Variants in SSBP2 observed in about 807,000 individuals in gnomAD.
SSBP2 encodes the protein single-stranded DNA-binding protein 2.
Under a neutral mutation model 61.8 loss-of-function variants are expected in SSBP2, and 17 were observed. That is an observed-to-expected ratio of 0.28 (90% CI 0.19 to 0.41). SSBP2 has a LOEUF of 0.41. Among genes scored for constraint, SSBP2 ranks in the 10% least tolerant of loss-of-function variants. The probability of loss-of-function intolerance (pLI) is 1.00; values close to 1 mark genes in which losing one functional copy is unlikely to be tolerated. For missense variants in SSBP2, 310 were observed against 458.7 expected (o/e 0.68, Z 2.96); for synonymous variants, 139 against 141.3 (o/e 0.98, Z 0.12).
intron 4 of SSBP2, among the ~76,000 whole-genome samples, chr5:81,574,808 G>T (rs552817632): frequency 6.6e-6 from 1 of 151,988 alleles, no homozygotes; most frequent in Non-Finnish European, 1.5e-5. Flanking sequence ...AAAAAAAAAT[G>T]TCAACCTAGA....
At chr5:81,703,478 G>A (rs1397732063) in intron 1 of SSBP2, among the ~76,000 whole-genome samples, 1 of 151,976 alleles carries the variant, frequency 6.6e-6, no homozygotes, top group Non-Finnish European at 1.5e-5. Context: ...GGGAATGGGT[G>A]CAGCACACCA....
chr5:81,513,803 G>C, intron 4 of SSBP2, 86 bp from the exon 5 acceptor site: 1 of 815,388 alleles, frequency 1.2e-6, no homozygotes, highest in Non-Finnish European at 2.0e-6. Flanking sequence ...TGCAGGACGG[G>C]ATGCTCTTTC....
intron 1 of SSBP2, among the ~76,000 whole-genome samples, chr5:81,674,727 G>A (rs1309763555): frequency 6.6e-6 from 1 of 151,524 alleles, no homozygotes; most frequent in African/African-American, 2.4e-5. Flanking sequence ...ATTCCAAAAC[G>A]GTTGAAAGGG....
intron 2 of SSBP2, among the ~76,000 whole-genome samples, chr5:81,646,247 G>C (rs1749256229): frequency 6.6e-6 from 1 of 152,188 alleles, no homozygotes; most frequent in Admixed American, 6.5e-5. Context: ...CATCTATCCA[G>C]AGGAAGAATG....
At chr5:81,485,211 T>C (rs1224927255) in intron 6 of SSBP2, among the ~76,000 whole-genome samples, 1 of 152,172 alleles carries the variant, frequency 6.6e-6, no homozygotes, top group Admixed American at 6.6e-5. Flanking sequence ...GTCAAATATA[T>C]TTTGTAGATT....
chr5:81,563,414 C>T (rs1773196208), intron 4 of SSBP2, among the ~76,000 whole-genome samples: 1 of 152,008 alleles, frequency 6.6e-6, no homozygotes, highest in Non-Finnish European at 1.5e-5. Context: ...CTAGAGAATA[C>T]ATAGGAAAAA....
At chr5:81,536,411 T>G (rs1770809060) in intron 4 of SSBP2, among the ~76,000 whole-genome samples, 1 of 152,082 alleles carries the variant, frequency 6.6e-6, no homozygotes, top group South Asian at 2.1e-4. Flanking sequence ...GGTTATTTCA[T>G]CACCCAGGTA....
At chr5:81,594,411 C>G (rs1425467251) in intron 4 of SSBP2, among the ~76,000 whole-genome samples, 1 of 152,192 alleles carries the variant, frequency 6.6e-6, no homozygotes, top group Non-Finnish European at 1.5e-5. Flanking sequence ...TAACACCCCA[C>G]TGTCAACATT....
At chr5:81,625,414 A>G (rs1430008673) in intron 3 of SSBP2, among the ~76,000 whole-genome samples, 1 of 151,498 alleles carries the variant, frequency 6.6e-6, no homozygotes, top group African/African-American at 2.4e-5. Context: ...TAATCCTACA[A>G]CTATTAAACA....
At chr5:81,557,085 C>T (rs574252083) in intron 4 of SSBP2, among the ~76,000 whole-genome samples, 69 of 152,228 alleles carry the variant, frequency 4.5e-4, no homozygotes, top group African/African-American at 1.6e-3. Flanking sequence ...TAAAAAGAGC[C>T]TTTATGGCCT....
chr5:81,628,994 C>CT (rs1336279227), intron 3 of SSBP2, among the ~76,000 whole-genome samples: 50 of 149,166 alleles, frequency 3.4e-4, no homozygotes, highest in Admixed American at 5.4e-4. Context: ...TTTAATCCAT[C>CT]TTTTTTTTTT....
At chr5:81,465,271 G>A (rs1323488673) in intron 9 of SSBP2, among the ~76,000 whole-genome samples, 1 of 151,804 alleles carries the variant, frequency 6.6e-6, no homozygotes. Context: ...ATACTTAAAA[G>A]TATCTAGGGA....
At chr5:81,633,107 T>TC (rs1747878901) in intron 3 of SSBP2, among the ~76,000 whole-genome samples, 1 of 130,344 alleles carries the variant, frequency 7.7e-6, no homozygotes, top group Admixed American at 8.6e-5. Context: ...TGAGCCTCTG[T>TC]CTTTTTTTTT....
chr5:81,733,479 C>CTCCGTCT (rs1437685167), intron 1 of SSBP2, among the ~76,000 whole-genome samples: 1 of 151,658 alleles, frequency 6.6e-6, no homozygotes, highest in Non-Finnish European at 1.5e-5. Context: ...CAGACGGAAA[C>CTCCGTCT]TCATTGGTCT....
At chr5:81,452,159 G>C (rs1018925887) in intron 10 of SSBP2, among the ~76,000 whole-genome samples, 9 of 152,208 alleles carry the variant, frequency 5.9e-5, no homozygotes, top group Non-Finnish European at 1.3e-4. Context: ...CTGCTATAGT[G>C]TGGGGCTTAT....
chr5:81,451,639 C>T lies in SSBP2; in HGVS notation c.688-2814G>A, dbSNP rs564797930. Among the ~76,000 whole-genome samples, 16 of 152,262 alleles carry T rather than the reference C, an allele frequency of 1.1e-4. No homozygotes were observed. The South Asian group carries it at 1.9e-3, about 18-fold the overall frequency. ...ATGGGGTTTCACCATGTTGGCCAGG[C>T]GGGTCTCGAACCCCTGACCTCAGGT... is the stretch of plus-strand genomic sequence containing the variant. On this transcript the variant is annotated intron_variant, in intron 10 of 16. Transcript: ENST00000320672.
At position 81,684,697 on chromosome 5, in the gene SSBP2, C is replaced by A. The variant is rs974199013; in HGVS notation, c.63-34358G>T. 4.1e-4 allele frequency among the ~76,000 whole-genome samples: 63 copies of A among 152,250 alleles called. 1 individual carries two copies. Among genetic ancestry groups the A allele is most frequent in the African/African-American group, 1.4e-3 (57 of 41,554 alleles). On this transcript the variant is annotated intron_variant, in intron 1 of 16. Transcript: ENST00000320672. ...CAGGAGCATTTACCCGATGCTTGTACCCCGACTGCATCTTGGAGTAACTAA... is the reference window on the plus strand; with the variant it reads ...CAGGAGCATTTACCCGATGCTTGTAACCCGACTGCATCTTGGAGTAACTAA...
chr5:81,584,204 C>T (rs149746086), intron 4 of SSBP2, among the ~76,000 whole-genome samples: 15 of 152,046 alleles, frequency 9.9e-5, no homozygotes, highest in African/African-American at 2.9e-4. Flanking sequence ...TTTAAAGCTT[C>T]GTCTAGATGT....
chr5:81,561,216 A>G (rs1390341323), intron 4 of SSBP2, among the ~76,000 whole-genome samples: 1 of 152,204 alleles, frequency 6.6e-6, no homozygotes, highest in Admixed American at 6.5e-5. Context: ...ATCCTATGAT[A>G]CTGAACAAGG....
Sources: gnomAD v4.1 joint callset for allele counts (sites outside exome capture counted in the v4.1 genomes callset) on GRCh38, gnomAD v4.1.1 for gene constraint, MANE v1.5 for transcripts, NCBI Gene and HGNC (gene_info 2026-07-23, HGNC 2026-07-21) for gene names.